MAML2: variants seen among roughly 807,000 people sequenced by gnomAD.
MAML2 encodes mastermind-like protein 2.
A neutral mutation model predicts 96.1 loss-of-function variants in MAML2; 22 were observed. That is an observed-to-expected ratio of 0.23 (90% CI 0.16 to 0.33). The LOEUF (loss-of-function observed/expected upper bound fraction) is 0.33, where lower values mean the gene tolerates loss of function less well. Ranked by LOEUF, MAML2 falls within the 10% of genes least tolerant of loss-of-function variation. The pLI is 1.00. For missense variants in MAML2, 1,367 were observed against 1,392.4 expected, an observed-to-expected ratio of 0.98 and a Z score of 0.29; for synonymous variants, 561 against 521.3, an observed-to-expected ratio of 1.08 and a Z score of -1.04.
chr11:96,125,465 G>A (rs571443677), intron 1 of MAML2, among the ~76,000 whole-genome samples: 13 of 152,142 alleles, frequency 8.5e-5, no homozygotes, highest in East Asian at 1.9e-4. Flanking sequence ...CCAGACAAAC[G>A]TCAGTTTTAC....
intron 2 of MAML2, among the ~76,000 whole-genome samples, chr11:96,044,329 A>G (rs758756902): frequency 1.3e-5 from 2 of 152,146 alleles, no homozygotes; most frequent in Non-Finnish European, 2.9e-5. Context: ...AACACACACA[A>G]CCTATTTGTC....
intron 2 of MAML2, among the ~76,000 whole-genome samples, chr11:96,012,015 T>G (rs887225491): frequency 6.6e-6 from 1 of 152,218 alleles, no homozygotes; most frequent in Admixed American, 6.5e-5. Flanking sequence ...AAAATCTACT[T>G]TTATTTACGT....
At chr11:96,258,015 C>T (rs1170774518) in intron 1 of MAML2, among the ~76,000 whole-genome samples, 1 of 152,150 alleles carries the variant, frequency 6.6e-6, no homozygotes, top group African/African-American at 2.4e-5. Flanking sequence ...ATTACAACTT[C>T]TTTTTAAATA....
chr11:96,246,032 A>G (rs1862508236), intron 1 of MAML2, among the ~76,000 whole-genome samples: 1 of 152,008 alleles, frequency 6.6e-6, no homozygotes, highest in Non-Finnish European at 1.5e-5. Context: ...ACATTCAACA[A>G]AAACGTGGAG....
At chr11:96,131,163 A>G (rs1860542792) in intron 1 of MAML2, among the ~76,000 whole-genome samples, 1 of 152,146 alleles carries the variant, frequency 6.6e-6, no homozygotes, top group Non-Finnish European at 1.5e-5. Flanking sequence ...GATACTCCAG[A>G]CATTCCTGGG....
intron 1 of MAML2, among the ~76,000 whole-genome samples, chr11:96,260,320 G>A (rs553522422): frequency 5.3e-5 from 8 of 152,298 alleles, no homozygotes; most frequent in African/African-American, 1.7e-4. Flanking sequence ...TGGAATAACA[G>A]GAGTTCCTTC....
intron 1 of MAML2, among the ~76,000 whole-genome samples, chr11:96,285,247 G>GA (rs1204028842): frequency 6.6e-6 from 1 of 152,014 alleles, no homozygotes; most frequent in Non-Finnish European, 1.5e-5. Flanking sequence ...CCCTTACTTA[G>GA]AATATGAATC....
chr11:96,121,347 G>A (rs1358704918), intron 1 of MAML2, among the ~76,000 whole-genome samples: 1 of 152,144 alleles, frequency 6.6e-6, no homozygotes, highest in African/African-American at 2.4e-5. Context: ...TTCAATTATA[G>A]CTTGAACTGC....
intron 3 of MAML2, among the ~76,000 whole-genome samples, chr11:95,987,134 T>A (rs1451728846): frequency 6.6e-6 from 1 of 152,182 alleles, no homozygotes; most frequent in Non-Finnish European, 1.5e-5. Context: ...CAAAGTAAAG[T>A]CAATTCTAAC....
intron 1 of MAML2, among the ~76,000 whole-genome samples, chr11:96,210,963 T>A (rs917285102): frequency 8.5e-5 from 13 of 152,208 alleles, no homozygotes; most frequent in African/African-American, 3.1e-4. Context: ...ACTACTTCCA[T>A]AAACTACATG....
intron 2 of MAML2, among the ~76,000 whole-genome samples, chr11:96,049,720 G>C (rs750096915): frequency 6.6e-6 from 1 of 152,298 alleles, no homozygotes; most frequent in East Asian, 1.9e-4. Flanking sequence ...TATACAGTAA[G>C]AATTTAATAA....
chr11:96,312,453 A>G (rs975828935), intron 1 of MAML2, among the ~76,000 whole-genome samples: 4 of 152,182 alleles, frequency 2.6e-5, no homozygotes, highest in Non-Finnish European at 5.9e-5. Context: ...ATTCATCATT[A>G]CAATGGATTC....
intron 1 of MAML2, among the ~76,000 whole-genome samples, chr11:96,126,896 G>A (rs1331756644): frequency 7.1e-6 from 1 of 141,196 alleles, no homozygotes; most frequent in South Asian, 2.3e-4. Context: ...AGTGCATGTG[G>A]TATGGACATG....
intron 1 of MAML2, among the ~76,000 whole-genome samples, chr11:96,206,547 G>A (rs561624770): frequency 2.6e-5 from 4 of 152,326 alleles, no homozygotes; most frequent in African/African-American, 4.8e-5. Context: ...GCAGTGAGCC[G>A]AGATTGTACG....
intron 1 of MAML2, among the ~76,000 whole-genome samples, chr11:96,134,565 G>T (rs754677947): frequency 2.6e-5 from 4 of 152,162 alleles, no homozygotes; most frequent in Non-Finnish European, 5.9e-5. Context: ...GAAATAAAAA[G>T]AGTCAAAGAA....
intron 1 of MAML2, among the ~76,000 whole-genome samples, chr11:96,097,017 G>T (rs1443508459): frequency 1.9e-5 from 1 of 52,082 alleles, no homozygotes; most frequent in Non-Finnish European, 4.8e-5. Flanking sequence ...TATCACCGAG[G>T]CCCACTGTGA....
chr11:96,294,673 T>A (rs1863264973), intron 1 of MAML2, among the ~76,000 whole-genome samples: 1 of 152,204 alleles, frequency 6.6e-6, no homozygotes, highest in African/African-American at 2.4e-5. Flanking sequence ...AAGAACAGAA[T>A]CACCTTTGGA....
chr11:96,333,510 T>C (rs901751291), intron 1 of MAML2, among the ~76,000 whole-genome samples: 1 of 152,244 alleles, frequency 6.6e-6, no homozygotes, highest in Non-Finnish European at 1.5e-5. Context: ...TTAAGAATCG[T>C]CATCAATAAA....
At chr11:96,164,538 T>C (rs1163191189) in intron 1 of MAML2, among the ~76,000 whole-genome samples, 1 of 152,314 alleles carries the variant, frequency 6.6e-6, no homozygotes, top group Admixed American at 6.5e-5. Flanking sequence ...TATAAGAAAT[T>C]CCCAAGAAAG....
Sources: allele counts gnomAD v4.1 joint callset (sites outside exome capture counted in the v4.1 genomes callset), GRCh38; gene constraint gnomAD v4.1.1; transcripts MANE v1.5; gene names NCBI Gene and HGNC (gene_info 2026-07-23, HGNC 2026-07-21).